EPB41L2: variants seen among roughly 807,000 people sequenced by gnomAD.
The protein encoded by EPB41L2 is erythrocyte membrane protein band 4.1 like 2, also known as band 4.1-like protein 2.
A neutral mutation model predicts 113.0 loss-of-function variants in EPB41L2; 43 were observed. The observed-to-expected ratio is 0.38, with a 90% CI of 0.30 to 0.49. The LOEUF (loss-of-function observed/expected upper bound fraction) is 0.49. Ranked by LOEUF, EPB41L2 falls within the 20% of genes least tolerant of loss-of-function variation. The pLI is 0.95. For synonymous variants in EPB41L2, 442 were observed against 436.7 expected (o/e 1.01, Z -0.15); for missense variants, 1,147 against 1,223.4 (o/e 0.94, Z 0.93).
intron 4 of EPB41L2, among the ~76,000 whole-genome samples, chr6:130,922,573 T>G (rs534673308): frequency 6.6e-6 from 1 of 152,346 alleles, no homozygotes; most frequent in African/African-American, 2.4e-5. Context: ...TTGGGTGACT[T>G]CTTTAACTTC....
intron 17 of EPB41L2, 73 bp from the exon 18 acceptor site, chr6:130,863,791 G>T: frequency 1.0e-6 from 1 of 978,786 alleles, no homozygotes; most frequent in Non-Finnish European, 1.6e-6. Context: ...AGCAAACAGA[G>T]ATGGGAGTCC....
At chr6:130,992,009 G>GA (rs1287511174) in intron 1 of EPB41L2, among the ~76,000 whole-genome samples, 3 of 149,296 alleles carry the variant, frequency 2.0e-5, no homozygotes, top group South Asian at 4.2e-4. Flanking sequence ...ATTAGGGGAA[G>GA]AAAAAAAAGA....
intron 19 of EPB41L2, among the ~76,000 whole-genome samples, chr6:130,842,295 GGA>G (rs1491532523): frequency 4.1e-5 from 3 of 72,940 alleles, no homozygotes; most frequent in African/African-American, 6.3e-5. Context: ...CTAGGCTGGG[GGA>G]AAAAAAAATC....
rs975606781 is a variant in EPB41L2, at chr6:131,025,050, G to GT, written c.-15+38104dup. ...CTCACTCTACTCTGCTTATTTCAGG[G>GT]TTTTTTTTTTAAGCCTATGCTTTTT... is the stretch of plus-strand genomic sequence containing the variant. On this transcript the variant is annotated intron_variant, in intron 1 of 19. Transcript: ENST00000337057. 3.6e-3 allele frequency among the ~76,000 whole-genome samples: 535 copies of GT among 148,404 alleles called. 1 individual carries two copies. The highest frequency in any genetic ancestry group is 5.0e-3 in the Non-Finnish European group (337 of 66,784).
At chr6:130,897,025 C>T (rs1470380270) in intron 8 of EPB41L2, among the ~76,000 whole-genome samples, 1 of 152,098 alleles carries the variant, frequency 6.6e-6, no homozygotes, top group Non-Finnish European at 1.5e-5. Context: ...CATATCTCTC[C>T]TTGGGAGTTT....
intron 18 of EPB41L2, among the ~76,000 whole-genome samples, chr6:130,861,594 A>G (rs937493512): frequency 2.6e-5 from 4 of 151,810 alleles, no homozygotes; most frequent in African/African-American, 9.7e-5. Context: ...AATGTTGGCC[A>G]GGTGTGGTAG....
intron 10 of EPB41L2, among the ~76,000 whole-genome samples, chr6:130,892,403 C>CTTTTTTTTT (rs60350565): frequency 0.015 from 1,380 of 92,326 alleles, 89 homozygotes; most frequent in African/African-American, 0.044. Flanking sequence ...CAGATTATTG[C>CTTTTTTTTT]TTTTTTTTTT....
At chr6:130,929,868 C>CACACAT (rs1350345005) in intron 3 of EPB41L2, among the ~76,000 whole-genome samples, 3 of 138,702 alleles carry the variant, frequency 2.2e-5, no homozygotes, top group Non-Finnish European at 4.7e-5. Flanking sequence ...CACACACACA[C>CACACAT]ACACACACAC....
intron 11 of EPB41L2, among the ~76,000 whole-genome samples, chr6:130,889,937 C>A (rs1459293708): frequency 1.3e-5 from 2 of 152,018 alleles, no homozygotes; most frequent in Non-Finnish European, 1.5e-5. Context: ...GCTGAACACC[C>A]CAAATCTGAA....
chr6:130,922,581 T>G (rs910838713), intron 4 of EPB41L2, among the ~76,000 whole-genome samples: 7 of 152,208 alleles, frequency 4.6e-5, no homozygotes, highest in Non-Finnish European at 1.0e-4. Flanking sequence ...CTTCTTTAAC[T>G]TCCTCTATGC....
At chr6:130,908,020 A>G (rs922703038) in intron 5 of EPB41L2, among the ~76,000 whole-genome samples, 7 of 152,178 alleles carry the variant, frequency 4.6e-5, no homozygotes, top group African/African-American at 1.7e-4. Flanking sequence ...GTAGCTGCCT[A>G]CCTTCTCTGC....
intron 4 of EPB41L2, among the ~76,000 whole-genome samples, chr6:130,915,117 A>C (rs879033028): frequency 1.3e-5 from 2 of 151,846 alleles, no homozygotes; most frequent in East Asian, 1.9e-4. Context: ...TCCCGGCTAA[A>C]ACGGTGAAAC....
Position 130,861,870 on chromosome 6 carries a change from T to TC in EPB41L2, c.2910+1767dup, listed in dbSNP as rs1249461051. 1.3e-4 allele frequency among the ~76,000 whole-genome samples: 9 copies of TC among 69,830 alleles called. No individual in the cohort carries two copies. The East Asian group carries it at 2.3e-3, about 18-fold the overall frequency. The allele number at this position is 69,830 out of a possible 152,430, so 45.8% of individuals were successfully genotyped here. On this transcript the variant is annotated intron_variant, in intron 18 of 19. Coordinates refer to ENST00000337057, the MANE Select transcript of EPB41L2 (RefSeq NM_001431.4). Reference sequence around the variant, plus strand: ...CTGGGCACCAGAGGGAGACTCCATCTCCCCAAAAAAAAAAAAAAAGTTTAT... The same window carrying TC: ...CTGGGCACCAGAGGGAGACTCCATCTCCCCCAAAAAAAAAAAAAAAGTTTAT...
intron 3 of EPB41L2, among the ~76,000 whole-genome samples, chr6:130,939,823 G>A (rs1200080969): frequency 2.0e-5 from 3 of 152,128 alleles, no homozygotes; most frequent in Non-Finnish European, 4.4e-5. Flanking sequence ...TATATTCAGG[G>A]GAAGAGTCCA....
chr6:130,909,405 A>G (rs553288722), intron 4 of EPB41L2, among the ~76,000 whole-genome samples: 9 of 152,316 alleles, frequency 5.9e-5, no homozygotes, highest in African/African-American at 1.9e-4. Context: ...GGTTGGAGAC[A>G]ATATTTCCCT....
At chr6:130,996,631 C>T (rs1045228427) in intron 1 of EPB41L2, among the ~76,000 whole-genome samples, 9 of 152,154 alleles carry the variant, frequency 5.9e-5, no homozygotes, top group Admixed American at 1.3e-4. Flanking sequence ...ATTAACACTT[C>T]CAAAATTAAG....
chr6:131,047,773 T>A (rs1179677693), intron 1 of EPB41L2, among the ~76,000 whole-genome samples: 1 of 152,188 alleles, frequency 6.6e-6, no homozygotes, highest in Non-Finnish European at 1.5e-5. Context: ...CTTGGTCTAG[T>A]TCCAACATAT....
At chr6:130,950,182 T>G (rs1814388624) in intron 3 of EPB41L2, among the ~76,000 whole-genome samples, 1 of 152,104 alleles carries the variant, frequency 6.6e-6, no homozygotes, top group South Asian at 2.1e-4. Flanking sequence ...AAGCAATGTT[T>G]TAAGTGTTAA....
chr6:130,843,243 T>C (rs1776053871), intron 19 of EPB41L2, among the ~76,000 whole-genome samples: 1 of 152,224 alleles, frequency 6.6e-6, no homozygotes, highest in Non-Finnish European at 1.5e-5. Flanking sequence ...CACTGCTACA[T>C]AAGCATCAGA....
Sources: allele counts gnomAD v4.1 joint callset (sites outside exome capture counted in the v4.1 genomes callset), GRCh38; gene constraint gnomAD v4.1.1; transcripts MANE v1.5; gene names NCBI Gene and HGNC (gene_info 2026-07-23, HGNC 2026-07-21).